Variants in CALN1 observed in about 807,000 individuals in gnomAD.
CALN1 encodes calcium-binding protein 8.
In CALN1, 17 loss-of-function variants were observed where a neutral mutation model predicts 30.6. The ratio of observed to expected loss-of-function variants is 0.56; its 90% CI spans 0.38 to 0.83. The LOEUF is 0.83. Among genes scored for constraint, CALN1 ranks in the 40% least tolerant of loss-of-function variants. CALN1 has a pLI of 0.00. For synonymous variants in CALN1, 156 were observed against 131.4 expected, an observed-to-expected ratio of 1.19 and a Z score of -1.28; for missense variants, 291 against 354.9, an observed-to-expected ratio of 0.82 and a Z score of 1.45.
intron 3 of CALN1, among the ~76,000 whole-genome samples, chr7:72,276,697 C>G (rs1436904608): frequency 6.6e-6 from 1 of 152,068 alleles, no homozygotes; most frequent in Non-Finnish European, 1.5e-5. Context: ...TGCTCTTACC[C>G]TCTCTCGCCT....
intron 5 of CALN1, among the ~76,000 whole-genome samples, chr7:71,921,914 TC>T (rs1794966995): frequency 6.6e-6 from 1 of 151,558 alleles, no homozygotes; most frequent in East Asian, 2.0e-4. Context: ...TGTCCTTGAC[TC>T]CCCAGGTTGA....
At chr7:71,991,887 C>CA (rs140592876) in intron 5 of CALN1, among the ~76,000 whole-genome samples, 2,895 of 152,246 alleles carry the variant, frequency 0.019, 108 homozygotes, top group African/African-American at 0.067. Flanking sequence ...ATAAGTAATT[C>CA]AAAATCTAAG....
At chr7:71,892,164 T>A (rs770130774) in intron 5 of CALN1, among the ~76,000 whole-genome samples, 4 of 152,194 alleles carry the variant, frequency 2.6e-5, no homozygotes, top group Non-Finnish European at 5.9e-5. Context: ...CACTATTTAA[T>A]ATTTGCTGAT....
intron 3 of CALN1, among the ~76,000 whole-genome samples, chr7:72,259,152 G>A (rs1369988148): frequency 6.6e-6 from 1 of 151,912 alleles, no homozygotes; most frequent in Non-Finnish European, 1.5e-5. Flanking sequence ...CTTAGCTGGA[G>A]AAGCAGTGAC....
intron 5 of CALN1, among the ~76,000 whole-genome samples, chr7:71,952,792 T>C (rs1186413875): frequency 1.3e-5 from 2 of 152,182 alleles, no homozygotes; most frequent in African/African-American, 4.8e-5. Flanking sequence ...GCTCGGCCCC[T>C]GTAGGATCCC....
At chr7:72,230,528 G>A (rs1225211405) in intron 3 of CALN1, among the ~76,000 whole-genome samples, 1 of 151,544 alleles carries the variant, frequency 6.6e-6, no homozygotes, top group Non-Finnish European at 1.5e-5. Context: ...AAAAAAGATG[G>A]AAGAGGACAG....
At chr7:72,020,646 C>T (rs1350115507) in intron 5 of CALN1, among the ~76,000 whole-genome samples, 1 of 152,184 alleles carries the variant, frequency 6.6e-6, no homozygotes, top group Non-Finnish European at 1.5e-5. Flanking sequence ...TTAAATATTT[C>T]AAGATGGAAT....
rs138340733 is a variant in CALN1, at chr7:72,302,039, TA to T, written c.120-23230del. ...GCTTCAGGGAGAGCTGAGAGGCTGCTAAAAAAAAAACAGTCTGAGATGAGGA... is the reference window on the plus strand; with the variant it reads ...GCTTCAGGGAGAGCTGAGAGGCTGCTAAAAAAAAACAGTCTGAGATGAGGA... On this transcript the variant is annotated intron_variant, in intron 2 of 6. Coordinates refer to ENST00000395275, the MANE Select transcript of CALN1 (RefSeq NM_031468.4). Among the ~76,000 whole-genome samples, 154 of 145,402 alleles carry T rather than the reference TA, an allele frequency of 1.1e-3. 3 individuals carry two copies. The South Asian group carries it at 0.028, about 27-fold the overall frequency.
At chr7:72,147,841 C>T (rs376765059) in intron 3 of CALN1, among the ~76,000 whole-genome samples, 1 of 150,388 alleles carries the variant, frequency 6.6e-6, no homozygotes, top group Non-Finnish European at 1.5e-5. Flanking sequence ...AGTAAACTAT[C>T]GCAAGGACAA....
At chr7:71,928,163 T>G (rs761164032) in intron 5 of CALN1, among the ~76,000 whole-genome samples, 31 of 152,196 alleles carry the variant, frequency 2.0e-4, no homozygotes, top group Non-Finnish European at 3.8e-4. Context: ...CAATCTTTCT[T>G]GTGAGTGCAC....
chr7:72,078,546 C>G (rs952035040), intron 4 of CALN1, among the ~76,000 whole-genome samples: 3 of 152,176 alleles, frequency 2.0e-5, no homozygotes, highest in Admixed American at 2.0e-4. Context: ...CTGGAGACAA[C>G]CAAACACTGA....
At chr7:72,191,652 G>C (rs1240279957) in intron 3 of CALN1, among the ~76,000 whole-genome samples, 3 of 151,880 alleles carry the variant, frequency 2.0e-5, no homozygotes, top group African/African-American at 7.3e-5. Context: ...CATGAGGCTG[G>C]TCAAATCAGG....
chr7:72,232,021 T>A (rs1332348679), intron 3 of CALN1, among the ~76,000 whole-genome samples: 1 of 152,186 alleles, frequency 6.6e-6, no homozygotes, highest in African/African-American at 2.4e-5. Flanking sequence ...GTTGGGATAT[T>A]GGATGCATAA....
Position 72,163,358 on chromosome 7 carries a change from A to T in CALN1, c.245-57064T>A, listed in dbSNP as rs187070195. ...TAAGATTCTTTACAAGGCATTATCC[A>T]CAATGTACTACAAGAAAAAAACTTA... On this transcript the variant is annotated intron_variant, in intron 3 of 6. Coordinates refer to ENST00000395275, the MANE Select transcript of CALN1 (RefSeq NM_031468.4). Among the ~76,000 whole-genome samples, 40 of 149,492 alleles carry T rather than the reference A, an allele frequency of 2.7e-4. 1 individual carries two copies. Among genetic ancestry groups the T allele is most frequent in the Middle Eastern group, 3.5e-3 (1 of 286 alleles).
chr7:71,799,948 A>G (rs768377520), intron 6 of CALN1, among the ~76,000 whole-genome samples: 2 of 152,182 alleles, frequency 1.3e-5, no homozygotes, highest in South Asian at 2.1e-4. Context: ...TGTCTACCCA[A>G]GGAGAAAGGT....
intron 2 of CALN1, among the ~76,000 whole-genome samples, chr7:72,292,844 CAT>C (rs1798590144): frequency 9.1e-6 from 1 of 110,120 alleles, no homozygotes; most frequent in African/African-American, 3.8e-5. Context: ...AGAATTTCAA[CAT>C]ATGACTTTTG....
At chr7:72,310,063 T>TA (rs1799938448) in intron 2 of CALN1, among the ~76,000 whole-genome samples, 1 of 152,080 alleles carries the variant, frequency 6.6e-6, no homozygotes, top group African/African-American at 2.4e-5. Flanking sequence ...TCATGGCTAC[T>TA]AGCTGACTGT....
chr7:72,348,096 GGAC>G (rs1364982238), intron 2 of CALN1, among the ~76,000 whole-genome samples: 2 of 152,102 alleles, frequency 1.3e-5, no homozygotes, highest in Non-Finnish European at 2.9e-5. Context: ...ACTCCAGCCT[GGAC>G]AACAGAGCGA....
At chr7:71,979,340 A>G (rs1489599839) in intron 5 of CALN1, among the ~76,000 whole-genome samples, 1 of 152,170 alleles carries the variant, frequency 6.6e-6, no homozygotes, top group African/African-American at 2.4e-5. Flanking sequence ...CATAATGTAA[A>G]ATCAGTGGGA....
Sources: allele counts gnomAD v4.1 joint callset (sites outside exome capture counted in the v4.1 genomes callset), GRCh38; gene constraint gnomAD v4.1.1; transcripts MANE v1.5; gene names NCBI Gene and HGNC (gene_info 2026-07-23, HGNC 2026-07-21).